The following AGPAT5 variants were observed in gnomAD, a reference collection of about 807,000 sequenced individuals.
AGPAT5 encodes the protein 1-acyl-sn-glycerol-3-phosphate acyltransferase epsilon.
AGPAT5 carries 46 observed loss-of-function variants against 45.6 expected under a neutral mutation model. That is an observed-to-expected ratio of 1.01 (90% CI 0.80 to 1.29). The LOEUF is 1.29. AGPAT5 is among the 50% of genes most tolerant of loss of function. The pLI, the probability that AGPAT5 is intolerant of heterozygous loss-of-function variation, is 0.00. For missense variants in AGPAT5, 673 were observed against 450.7 expected (o/e 1.49, Z -4.47); for synonymous variants, 272 against 167.0 (o/e 1.63, Z -4.85).
At chr8:6,709,036 C>T (rs967209405) in intron 1 of AGPAT5, 149 bp downstream of exon 1, 5 of 789,424 alleles carry the variant, frequency 6.3e-6, no homozygotes, top group Middle Eastern at 2.2e-4. Context: ...CCTTCCTCTC[C>T]GCATGCTTCC....
rs748293527 is a variant in AGPAT5 at position 6,730,852 on chromosome 8, C to G, written c.405+26C>G. On this transcript the variant is annotated intron_variant, in intron 3 of 7. Coordinates refer to ENST00000285518, the MANE Select transcript of AGPAT5 (RefSeq NM_018361.5). ...GTAACTTGTTTCCATGCTTTTCTCT[C>G]TATATATGTAGTTTATAAATTTTTT... 2.1e-6 allele frequency: 3 copies of G among 1,416,050 alleles called. No homozygotes were observed. In the Admixed American group the frequency reaches 5.7e-5, roughly 27 times the overall value. The allele number at this position is 1,416,050 out of a possible 1,614,324, so 87.7% of individuals were successfully genotyped here. A position where few individuals can be genotyped will look rare whatever the true frequency, so the allele number is the denominator to read the frequency against.
chr8:6,735,620 G>T (rs1481429112), intron 4 of AGPAT5, among the ~76,000 whole-genome samples: 1 of 152,112 alleles, frequency 6.6e-6, no homozygotes, highest in Non-Finnish European at 1.5e-5. Flanking sequence ...GGGTTAGTTG[G>T]TTGCCTTGCA....
rs759412834 is a variant in AGPAT5 at position 6,757,307 on chromosome 8, C to T, written c.1014C>T (p.Thr338=). ...LSGLTAGMLM[T]DAGRKLYVNT... ...GTTTGACTGCAGGCATGCTTATGAC[C>T]GATGCTGGAAGGAAGCTGTATGTGA... Residue 338 remains threonine, a synonymous_variant, in exon 8 of 8, where the codon ACC becomes ACT. Transcript: ENST00000285518. The T allele has an allele frequency of 3.4e-5, 55 of 1,613,974 alleles. No individual in the cohort carries two copies. The highest frequency in any genetic ancestry group is 1.5e-4 in the South Asian group (14 of 91,074).
intron 5 of AGPAT5, among the ~76,000 whole-genome samples, 155 bp from the exon 6 acceptor site, chr8:6,747,515 G>C (rs1453169823): frequency 2.6e-5 from 4 of 152,210 alleles, no homozygotes; most frequent in Non-Finnish European, 4.4e-5. Context: ...AAGTGAGAGT[G>C]CTTTCTAAAC....
In AGPAT5 at chr8:6,759,409, G is replaced by A. The variant is rs369945652; in HGVS notation, c.*2021G>A. 1.3e-5 allele frequency: 2 copies of A among 152,064 alleles called. No individual in the cohort carries two copies. Among genetic ancestry groups the A allele is most frequent in the Non-Finnish European group, 2.9e-5 (2 of 67,988 alleles). The allele number at this position is 152,064 out of a possible 1,614,324, so 9.4% of individuals were successfully genotyped here. ...GTTGAAAAAAATTTTGTATCAAAAT[G>A]TTTGGAAAATTAGAAGCTTCTCCTT... is the stretch of plus-strand genomic sequence containing the variant. On this transcript the variant is annotated 3_prime_UTR_variant, in exon 8 of 8. Transcript: ENST00000285518.
chr8:6,743,284 C>T (rs997379783), intron 5 of AGPAT5, among the ~76,000 whole-genome samples: 5 of 152,198 alleles, frequency 3.3e-5, no homozygotes, highest in African/African-American at 7.2e-5. Context: ...CTTTAGCCAT[C>T]GTTTCCTTGA....
chr8:6,760,161 C>G lies in AGPAT5; in HGVS notation c.*2773C>G, dbSNP rs1488417887. On this transcript the variant is annotated 3_prime_UTR_variant, in exon 8 of 8. Transcript: ENST00000285518. ...AATCAAGTGATCTAACTAGACTGAT[C>G]ATAGATAGAAGGAAATAAGGCCAAG... 6.6e-6 allele frequency among the ~76,000 whole-genome samples: 1 copy of G among 151,938 alleles called. No homozygotes were observed. Among genetic ancestry groups the G allele is most frequent in the Non-Finnish European group, 1.5e-5 (1 of 68,010 alleles).
At chr8:6,731,803 G>A (rs1464664810) in intron 3 of AGPAT5, among the ~76,000 whole-genome samples, 12 of 151,866 alleles carry the variant, frequency 7.9e-5, no homozygotes, top group Non-Finnish European at 1.3e-4. Flanking sequence ...CTGGAGGCTA[G>A]ACATCCAAGA....
intron 4 of AGPAT5, among the ~76,000 whole-genome samples, chr8:6,736,582 C>T (rs1473905049): frequency 2.0e-5 from 3 of 152,226 alleles, no homozygotes; most frequent in Non-Finnish European, 4.4e-5. Context: ...TCCTTTGCTG[C>T]TGGCTGTGTT....
intron 4 of AGPAT5, among the ~76,000 whole-genome samples, chr8:6,740,389 G>A (rs991618240): frequency 6.6e-6 from 1 of 151,180 alleles, no homozygotes; most frequent in Non-Finnish European, 1.5e-5. Flanking sequence ...AAGGAATTTT[G>A]TATGTTTTTC....
At chr8:6,747,192 G>C (rs145622024) in intron 5 of AGPAT5, among the ~76,000 whole-genome samples, 2 of 152,200 alleles carry the variant, frequency 1.3e-5, no homozygotes, top group African/African-American at 4.8e-5. Flanking sequence ...TAACTATTCA[G>C]CCATAAAAAG....
At chr8:6,733,085 C>G (rs183139791) in intron 4 of AGPAT5, among the ~76,000 whole-genome samples, 7 of 152,310 alleles carry the variant, frequency 4.6e-5, no homozygotes, top group African/African-American at 1.4e-4. Flanking sequence ...GGATGAATCT[C>G]TACAAATGTT....
intron 1 of AGPAT5, among the ~76,000 whole-genome samples, chr8:6,710,135 A>T (rs1456939511): frequency 6.6e-6 from 1 of 152,232 alleles, no homozygotes; most frequent in Non-Finnish European, 1.5e-5. Context: ...TCTTAAAAAA[A>T]TAATTCTATC....
chr8:6,757,130 C>G (rs1801870861), intron 7 of AGPAT5, 33 bp from the exon 8 acceptor site: 1 of 1,559,026 alleles, frequency 6.4e-7, no homozygotes, highest in Non-Finnish European at 8.8e-7. Flanking sequence ...ACTGAAGTGA[C>G]TAAAATCTAA....
chr8:6,712,832 T>C (rs1266825018), intron 1 of AGPAT5, among the ~76,000 whole-genome samples: 2 of 152,262 alleles, frequency 1.3e-5, no homozygotes, highest in African/African-American at 4.8e-5. Flanking sequence ...TTTAGCATGT[T>C]CTGTGAAGCT....
In AGPAT5 at chr8:6,730,837, T is replaced by C. The variant is rs770802760; in HGVS notation, c.405+11T>C. ...TGTTACTTTGCTCAGGTAACTTGTTTCCATGCTTTTCTCTCTATATATGTA... is the reference window on the plus strand; with the variant it reads ...TGTTACTTTGCTCAGGTAACTTGTTCCCATGCTTTTCTCTCTATATATGTA... On this transcript the variant is annotated intron_variant, in intron 3 of 7. Coordinates refer to ENST00000285518, the MANE Select transcript of AGPAT5 (RefSeq NM_018361.5). The C allele has an allele frequency of 5.5e-5, 87 of 1,579,844 alleles. No homozygotes were observed. The highest frequency in any genetic ancestry group is 1.7e-4 in the Middle Eastern group (1 of 6,000).
intron 2 of AGPAT5, among the ~76,000 whole-genome samples, chr8:6,726,003 C>T (rs1800674582): frequency 6.6e-6 from 1 of 152,130 alleles, no homozygotes; most frequent in South Asian, 2.1e-4. Context: ...TGATTACATT[C>T]AGATTTATAG....
chr8:6,748,517 G>T (rs1375511984), intron 6 of AGPAT5, among the ~76,000 whole-genome samples: 1 of 151,916 alleles, frequency 6.6e-6, no homozygotes, highest in African/African-American at 2.4e-5. Context: ...TTCGTTTTTT[G>T]TTTTGAGACA....
rs1800833231 is a variant in AGPAT5 at position 6,730,711 on chromosome 8, T to G, written c.290T>G (p.Val97Gly). Residue 97 changes from valine to glycine, a missense_variant and splice_region_variant, in exon 3 of 8, where the codon GTT (valine) becomes GGT (glycine). Physicochemically the swap from Val to Gly is moderately radical, Grantham distance 109 (BLOSUM62 -3). Coordinates refer to ENST00000285518, the MANE Select transcript of AGPAT5 (RefSeq NM_018361.5). ...IIYLANHQSTVDWIVADILAI... is the reference protein window; with the variant it reads ...IIYLANHQSTGDWIVADILAI... Reference sequence around the variant, plus strand: ...CGCTAACTGGGTCCTGTCTCTGCAGTTGACTGGATTGTTGCTGACATCTTG... The same window carrying G: ...CGCTAACTGGGTCCTGTCTCTGCAGGTGACTGGATTGTTGCTGACATCTTG... 2 of 1,610,068 alleles carry G rather than the reference T, an allele frequency of 1.2e-6. No homozygotes were observed. The highest frequency in any genetic ancestry group is 2.7e-5 in the African/African-American group (2 of 74,840).
Sources: allele counts gnomAD v4.1 joint callset (sites outside exome capture counted in the v4.1 genomes callset), GRCh38; gene constraint gnomAD v4.1.1; transcripts MANE v1.5; gene names NCBI Gene and HGNC (gene_info 2026-07-23, HGNC 2026-07-21).